The following FBXO42 variants were observed in gnomAD, a reference collection of about 807,000 sequenced individuals.
FBXO42 encodes the protein F-box protein 42, also known as F-box only protein 42.
In FBXO42, 12 loss-of-function variants were observed where a neutral mutation model predicts 71.7. The observed-to-expected ratio is 0.17, with a 90% CI of 0.11 to 0.27. The LOEUF is 0.27. Ranked by LOEUF, FBXO42 falls within the 10% of genes least tolerant of loss-of-function variation. FBXO42 has a pLI of 1.00. For synonymous variants in FBXO42, 325 were observed against 327.5 expected (o/e 0.99, Z 0.08); for missense variants, 707 against 911.9 (o/e 0.78, Z 2.89).
intron 7 of FBXO42, 52 bp from the exon 8 acceptor site, chr1:16,253,204 C>T (rs1213575875): frequency 1.3e-6 from 2 of 1,528,010 alleles, no homozygotes; most frequent in Non-Finnish European, 1.8e-6. Flanking sequence ...AGGTTTCTGA[C>T]TTTCTATGCT....
chr1:16,315,326 C>A lies in FBXO42; in HGVS notation c.93G>T (p.Glu31Asp), dbSNP rs2082353758. 6.2e-7 allele frequency: 1 copy of A among 1,614,176 alleles called. No homozygotes were observed. Among genetic ancestry groups the A allele is most frequent in the Non-Finnish European group, 8.5e-7 (1 of 1,180,038 alleles). ...VLEGTMDQDE[E>D]PHPVLEAEET... Reference sequence around the variant, plus strand: ...CCTCAGCCTCCAATACTGGGTGGGGCTCCTCATCTTGATCCATTGTCCCTT... The same window carrying A: ...CCTCAGCCTCCAATACTGGGTGGGGATCCTCATCTTGATCCATTGTCCCTT... The change falls in exon 2 of 10, where the codon GAG (glutamate) becomes GAT (aspartate). Residue 31 changes from glutamate to aspartate, a missense_variant. Glu to Asp is a conservative substitution (Grantham distance 45). Around this residue, in one of 5 missense-constraint regions of FBXO42, gnomAD observed 188 missense variants for 230.5 expected, o/e 0.82. Coordinates refer to ENST00000375592, the MANE Select transcript of FBXO42 (RefSeq NM_018994.3).
At chr1:16,333,212 G>C (rs1466164775) in intron 1 of FBXO42, among the ~76,000 whole-genome samples, 1 of 152,098 alleles carries the variant, frequency 6.6e-6, no homozygotes, top group Non-Finnish European at 1.5e-5. Context: ...GTTGAGAGAG[G>C]TGGCCTACAA....
intron 6 of FBXO42, among the ~76,000 whole-genome samples, chr1:16,254,598 T>C (rs776344257): frequency 6.6e-6 from 1 of 152,216 alleles, no homozygotes; most frequent in African/African-American, 2.4e-5. Flanking sequence ...AACTCTCTCA[T>C]TGGGAGAGTA....
chr1:16,276,514 T>A (rs185049524), intron 4 of FBXO42, among the ~76,000 whole-genome samples: 3 of 152,250 alleles, frequency 2.0e-5, no homozygotes, highest in Admixed American at 2.0e-4. Context: ...CACTACCAAG[T>A]GTCCTTGAAA....
Position 16,277,766 on chromosome 1 carries a change from C to A in FBXO42, c.502+17017G>T, listed in dbSNP as rs896647649. Among the ~76,000 whole-genome samples, 7 of 151,534 alleles carry A rather than the reference C, an allele frequency of 4.6e-5. No individual in the cohort carries two copies. The East Asian group carries it at 1.4e-3, about 29-fold the overall frequency. The stretch of plus-strand genomic sequence containing the variant: ...TAAAAAATTCCACATCCAGGCTGGG[C>A]GTGGTGGCTCAGGCCTGTAATCCCA... On this transcript the variant is annotated intron_variant, in intron 4 of 9. Coordinates refer to ENST00000375592, the MANE Select transcript of FBXO42 (RefSeq NM_018994.3).
rs1473872452 is a variant in FBXO42 at position 16,307,417 on chromosome 1, C to T, written c.251-1498G>A. On this transcript the variant is annotated intron_variant, in intron 2 of 9. Coordinates refer to ENST00000375592, the MANE Select transcript of FBXO42 (RefSeq NM_018994.3). ...TTGGGAGGCAGAGGAGGGAGGATCA[C>T]CTGTGCCCAGGAGTTCAAGGCAGCA... 2.0e-5 allele frequency among the ~76,000 whole-genome samples: 3 copies of T among 152,044 alleles called. 1 individual carries two copies. In the East Asian group the frequency reaches 5.8e-4, roughly 29 times the overall value.
intron 4 of FBXO42, among the ~76,000 whole-genome samples, chr1:16,276,079 G>C (rs1389665285): frequency 1.3e-5 from 2 of 152,018 alleles, no homozygotes; most frequent in African/African-American, 2.4e-5. Context: ...TCTCCTCACA[G>C]TTATGAAAAC....
At chr1:16,274,714 C>T (rs148425971) in intron 4 of FBXO42, among the ~76,000 whole-genome samples, 2,422 of 150,684 alleles carry the variant, frequency 0.016, 64 homozygotes, top group African/African-American at 0.055. Flanking sequence ...GCCTCAGCCT[C>T]GCAAGTAGCT....
chr1:16,350,487 C>A (rs1229207916), intron 1 of FBXO42, among the ~76,000 whole-genome samples: 1 of 147,898 alleles, frequency 6.8e-6, no homozygotes, highest in Non-Finnish European at 1.5e-5. Flanking sequence ...TGGCTCAAGC[C>A]TGGGGTGGGG....
At chr1:16,303,927 ATTTT>A (rs906819487) in intron 3 of FBXO42, among the ~76,000 whole-genome samples, 1 of 151,162 alleles carries the variant, frequency 6.6e-6, no homozygotes, top group Non-Finnish European at 1.5e-5. Context: ...TTATATATAT[ATTTT>A]TTTAAGAGAC....
chr1:16,266,982 G>C (rs1015787225), intron 4 of FBXO42, among the ~76,000 whole-genome samples: 1 of 152,124 alleles, frequency 6.6e-6, no homozygotes, highest in Non-Finnish European at 1.5e-5. Flanking sequence ...GCAATACTTC[G>C]TAAGGGCAAC....
chr1:16,298,729 C>T (rs1427166162), intron 3 of FBXO42, among the ~76,000 whole-genome samples: 4 of 152,126 alleles, frequency 2.6e-5, no homozygotes, highest in African/African-American at 9.7e-5. Context: ...AGGCTGGTCT[C>T]GAATTCCTGA....
intron 2 of FBXO42, among the ~76,000 whole-genome samples, chr1:16,309,622 A>T (rs982575741): frequency 6.6e-6 from 1 of 151,914 alleles, no homozygotes; most frequent in African/African-American, 2.4e-5. Flanking sequence ...ATGGCCAGGC[A>T]TGGTAGCTCA....
intron 4 of FBXO42, among the ~76,000 whole-genome samples, chr1:16,281,938 C>T (rs1320072318): frequency 1.3e-5 from 2 of 151,718 alleles, no homozygotes; most frequent in African/African-American, 4.8e-5. Context: ...AGTCACTTGA[C>T]CTCAAGTGAT....
chr1:16,279,724 C>T (rs2081940143), intron 4 of FBXO42, among the ~76,000 whole-genome samples: 2 of 151,594 alleles, frequency 1.3e-5, no homozygotes, highest in African/African-American at 4.8e-5. Context: ...AAGCAATAGA[C>T]TATAAAAAAG....
intron 4 of FBXO42, among the ~76,000 whole-genome samples, chr1:16,265,714 G>A (rs2081764047): frequency 1.3e-5 from 2 of 150,954 alleles, no homozygotes; most frequent in Non-Finnish European, 2.9e-5. Flanking sequence ...CCAACCTAAA[G>A]GGTTATTTAA....
intron 3 of FBXO42, among the ~76,000 whole-genome samples, chr1:16,301,799 A>C (rs2082198260): frequency 6.6e-6 from 1 of 152,034 alleles, no homozygotes; most frequent in South Asian, 2.1e-4. Context: ...TTTACAGCTT[A>C]AAATATATAC....
chr1:16,255,417 C>T (rs1256268956), intron 6 of FBXO42, among the ~76,000 whole-genome samples: 1 of 151,614 alleles, frequency 6.6e-6, no homozygotes, highest in Non-Finnish European at 1.5e-5. Flanking sequence ...TCACTGCAAT[C>T]GCCACTTCCC....
At chr1:16,339,844 A>T (rs1441908046) in intron 1 of FBXO42, among the ~76,000 whole-genome samples, 1 of 152,188 alleles carries the variant, frequency 6.6e-6, no homozygotes, top group Non-Finnish European at 1.5e-5. Context: ...AGTCCCAGCT[A>T]CTTGTGAGTC....
Sources: gnomAD v4.1 joint callset for allele counts (sites outside exome capture counted in the v4.1 genomes callset) on GRCh38, gnomAD v4.1.1 for gene constraint, gnomAD v4.1.1 regional missense constraint, MANE v1.5 for transcripts, NCBI Gene and HGNC (gene_info 2026-07-23, HGNC 2026-07-21) for gene names.